SEC14L1: variants seen among roughly 807,000 people sequenced by gnomAD.
SEC14L1 encodes the protein SEC14 like lipid binding 1, also known as SEC14-like protein 1.
A neutral mutation model predicts 85.3 loss-of-function variants in SEC14L1; 48 were observed. The observed-to-expected ratio is 0.56, with a 90% CI of 0.45 to 0.72. SEC14L1 has a LOEUF of 0.72. Ranked by LOEUF, SEC14L1 falls within the 30% of genes least tolerant of loss-of-function variation. The pLI, the probability that SEC14L1 is intolerant of heterozygous loss-of-function variation, is 0.00. For missense variants in SEC14L1, 682 were observed against 921.4 expected (o/e 0.74, Z 3.36); for synonymous variants, 391 against 355.5 (o/e 1.10, Z -1.12).
At chr17:77,128,445 A>T (rs916637932) in intron 3 of SEC14L1, among the ~76,000 whole-genome samples, 4 of 34,962 alleles carry the variant, frequency 1.1e-4, no homozygotes, top group African/African-American at 7.4e-4. Flanking sequence ...ATTTTATTTT[A>T]TTTTATTTTA....
At chr17:77,098,893 A>G (rs1971705686) in intron 3 of SEC14L1, 1 of 152,226 alleles carries the variant, frequency 6.6e-6, no homozygotes, top group African/African-American at 2.4e-5. Flanking sequence ...CATTTATATC[A>G]GTATTTAAAT....
intron 3 of SEC14L1, among the ~76,000 whole-genome samples, chr17:77,147,183 A>ATC (rs1973351810): frequency 1.3e-5 from 2 of 152,162 alleles, no homozygotes; most frequent in African/African-American, 4.8e-5. Flanking sequence ...AGTGGGAGAA[A>ATC]ACGCCTCACT....
In SEC14L1 at chr17:77,191,288, C is replaced by G. The variant is rs1975522489; in HGVS notation, c.321C>G (p.Ile107Met). Residue 107 changes from isoleucine to methionine, a missense_variant, in exon 5 of 17, where the codon ATC (isoleucine) becomes ATG (methionine). Transcript: ENST00000436233. ...ATGAAACGTTTTCCAATCGGGTCAT[C>G]ATTAATGAGCATTGCTGCTACACCG... ...AYNETFSNRV[I>M]INEHCCYTVH... 6.2e-7 allele frequency: 1 copy of G among 1,614,146 alleles called. No individual in the cohort carries two copies. Among genetic ancestry groups the G allele is most frequent in the Non-Finnish European group, 8.5e-7 (1 of 1,180,002 alleles).
chr17:77,180,732 C>G lies in SEC14L1; in HGVS notation c.64-10071C>G, dbSNP rs1473025570. Among the ~76,000 whole-genome samples, 6 of 152,180 alleles carry G rather than the reference C, an allele frequency of 3.9e-5. No homozygotes were observed. The South Asian group carries it at 1.2e-3, about 31-fold the overall frequency. On this transcript the variant is annotated intron_variant, in intron 3 of 16. Transcript: ENST00000436233. ...GCCTTTGATCCTAGCTGTGGTTGCT[C>G]TGGGCTGTCAGTATTTGGACAAGTG...
intron 2 of SEC14L1, among the ~76,000 whole-genome samples, chr17:77,093,037 G>T (rs1971556158): frequency 6.6e-6 from 1 of 152,004 alleles, no homozygotes; most frequent in Non-Finnish European, 1.5e-5. Flanking sequence ...ACCAGCCCTT[G>T]GCTCAGTGGT....
At chr17:77,174,858 C>T (rs1314762608) in intron 3 of SEC14L1, among the ~76,000 whole-genome samples, 1 of 152,200 alleles carries the variant, frequency 6.6e-6, no homozygotes, top group Non-Finnish European at 1.5e-5. Context: ...TGCAAGAGCA[C>T]ACTGAACAAA....
intron 13 of SEC14L1, among the ~76,000 whole-genome samples, chr17:77,207,566 C>T (rs1976529903): frequency 6.6e-6 from 1 of 152,140 alleles, no homozygotes; most frequent in African/African-American, 2.4e-5. Flanking sequence ...ATTCTTCAGT[C>T]TCAGCCTCTG....
chr17:77,196,809 C>G (rs1445407763), intron 8 of SEC14L1, among the ~76,000 whole-genome samples: 1 of 152,174 alleles, frequency 6.6e-6, no homozygotes, highest in African/African-American at 2.4e-5. Flanking sequence ...GGCCTGATCT[C>G]TAATTCTGTC....
chr17:77,199,923 C>G (rs1285840646), intron 8 of SEC14L1, among the ~76,000 whole-genome samples: 1 of 152,194 alleles, frequency 6.6e-6, no homozygotes, highest in African/African-American at 2.4e-5. Context: ...AATCCCAACA[C>G]TTTGGGAGGC....
chr17:77,124,515 C>T (rs1232139306), intron 3 of SEC14L1, among the ~76,000 whole-genome samples: 1 of 152,170 alleles, frequency 6.6e-6, no homozygotes, highest in African/African-American at 2.4e-5. Context: ...AACTGGGGCC[C>T]CTGTCTTGGC....
At chr17:77,211,713 C>T (rs1479443476) in intron 14 of SEC14L1, 1 of 560,276 alleles carries the variant, frequency 1.8e-6, no homozygotes, top group Non-Finnish European at 3.2e-6. Context: ...AGATCTTGGA[C>T]CTCTAGGTGC....
chr17:77,140,628 G>A (rs1401425696), upstream of SEC14L1: 1 of 152,444 alleles, frequency 6.6e-6, no homozygotes, highest in African/African-American at 2.4e-5. Flanking sequence ...GCCCCTTGGG[G>A]CTTCACTCCG....
chr17:77,158,238 G>A (rs1973896043), intron 3 of SEC14L1, among the ~76,000 whole-genome samples: 1 of 152,150 alleles, frequency 6.6e-6, no homozygotes, highest in African/African-American at 2.4e-5. Flanking sequence ...AATTCACATC[G>A]TTGTGCAGCC....
chr17:77,192,858 T>C (rs952193127), intron 5 of SEC14L1, among the ~76,000 whole-genome samples: 6 of 152,114 alleles, frequency 3.9e-5, no homozygotes, highest in African/African-American at 7.2e-5. Flanking sequence ...GATGAGGTCT[T>C]GCTCTGTTGC....
chr17:77,196,543 A>G (rs1476815892), intron 8 of SEC14L1, among the ~76,000 whole-genome samples: 4 of 152,256 alleles, frequency 2.6e-5, no homozygotes, highest in African/African-American at 9.6e-5. Context: ...GTCTGGCTAC[A>G]AACAGTGTCA....
At chr17:77,174,895 G>A (rs1458706294) in intron 3 of SEC14L1, among the ~76,000 whole-genome samples, 1 of 152,238 alleles carries the variant, frequency 6.6e-6, no homozygotes, top group Non-Finnish European at 1.5e-5. Flanking sequence ...TATCCCTAAC[G>A]CAGTTCCTGT....
chr17:77,101,205 C>G (rs1267749619), intron 3 of SEC14L1, among the ~76,000 whole-genome samples: 1 of 151,310 alleles, frequency 6.6e-6, no homozygotes, highest in African/African-American at 2.4e-5. Flanking sequence ...GAGACAGAGT[C>G]TCGCCCTGTT....
intron 3 of SEC14L1, among the ~76,000 whole-genome samples, chr17:77,103,782 ATTTG>A (rs1300152566): frequency 7.5e-5 from 4 of 53,482 alleles, no homozygotes; most frequent in Non-Finnish European, 1.6e-4. Flanking sequence ...CTACGCCTGG[ATTTG>A]TTTTTCATTT....
At chr17:77,135,579 C>T (rs925460792) in intron 3 of SEC14L1, among the ~76,000 whole-genome samples, 1 of 152,170 alleles carries the variant, frequency 6.6e-6, no homozygotes, top group Non-Finnish European at 1.5e-5. Flanking sequence ...GGCTATCTCT[C>T]AGGCTGGAGT....
Sources: gnomAD v4.1 joint callset for allele counts (sites outside exome capture counted in the v4.1 genomes callset) on GRCh38, gnomAD v4.1.1 for gene constraint, MANE v1.5 for transcripts, NCBI Gene and HGNC (gene_info 2026-07-23, HGNC 2026-07-21) for gene names.